DIAPH2: variants seen among roughly 807,000 people sequenced by gnomAD.
DIAPH2 encodes diaphanous related formin 2.
DIAPH2 carries 35 observed loss-of-function variants against 92.7 expected under a neutral mutation model. The observed-to-expected ratio is 0.38, with a 90% CI of 0.29 to 0.50. DIAPH2 has a LOEUF of 0.50. DIAPH2 is among the 20% of genes least tolerant of loss of function. The pLI is 0.94. For synonymous variants in DIAPH2, 301 were observed against 280.4 expected (o/e 1.07, Z -0.73); for missense variants, 701 against 819.5 (o/e 0.86, Z 1.77).
At chrX:96,784,538 G>A (rs2064441326) in intron 4 of DIAPH2, among the ~76,000 whole-genome samples, 1 of 111,719 alleles carries the variant, frequency 9.0e-6, no homozygotes, top group Non-Finnish European at 1.9e-5. Flanking sequence ...TTAAATGAGT[G>A]AAGTAAAACT....
intron 22 of DIAPH2, among the ~76,000 whole-genome samples, chrX:97,185,401 A>ATATATATGTATATATATATG (rs2067582040): frequency 1.6e-5 from 1 of 62,439 alleles, no homozygotes; most frequent in Non-Finnish European, 2.6e-5. Context: ...ATGTGTATAT[A>ATATATATGTATATATATATG]TATATATATG....
intron 5 of DIAPH2, among the ~76,000 whole-genome samples, chrX:96,909,587 T>G (rs2065456899): frequency 9.0e-6 from 1 of 110,873 alleles, no homozygotes; most frequent in African/African-American, 3.3e-5. Flanking sequence ...TTTATCCCCT[T>G]AGCAACGGGC....
At chrX:97,420,147 T>G (rs2069993397) in intron 25 of DIAPH2, among the ~76,000 whole-genome samples, 1 of 111,867 alleles carries the variant, frequency 8.9e-6, no homozygotes. Context: ...TGAATAAGCA[T>G]AAACATTTTT....
chrX:97,176,635 G>C (rs907715025), intron 22 of DIAPH2, among the ~76,000 whole-genome samples: 16 of 110,878 alleles, frequency 1.4e-4, no homozygotes, highest in African/African-American at 4.3e-4. Flanking sequence ...TCACGCCATT[G>C]TCCTGCCTCA....
chrX:97,102,206 A>T (rs1708811229), intron 20 of DIAPH2, among the ~76,000 whole-genome samples: 1 of 110,218 alleles, frequency 9.1e-6, no homozygotes, highest in Admixed American at 9.7e-5. Flanking sequence ...TTTCAATCAG[A>T]CTCTCACTGC....
At chrX:97,009,167 C>G (rs770342905) in intron 17 of DIAPH2, among the ~76,000 whole-genome samples, 11 of 110,626 alleles carry the variant, frequency 9.9e-5, no homozygotes, top group African/African-American at 3.6e-4. Flanking sequence ...CTTCCCTCCC[C>G]TTTTCACAAG....
intron 26 of DIAPH2, among the ~76,000 whole-genome samples, chrX:97,460,324 C>T (rs1166225572): frequency 9.0e-6 from 1 of 111,347 alleles, no homozygotes; most frequent in Non-Finnish European, 1.9e-5. Context: ...TGTACTAGCT[C>T]GTTATTATTA....
intron 22 of DIAPH2, among the ~76,000 whole-genome samples, chrX:97,200,543 G>C (rs1013149192): frequency 2.0e-5 from 2 of 102,485 alleles, no homozygotes; most frequent in African/African-American, 3.6e-5. Context: ...AGACTGACAG[G>C]TTTGGACTGG....
intron 23 of DIAPH2, among the ~76,000 whole-genome samples, chrX:97,263,208 A>G (rs1037975377): frequency 8.9e-6 from 1 of 111,991 alleles, no homozygotes; most frequent in Non-Finnish European, 1.9e-5. Context: ...TTCCAGATCA[A>G]TCAAAATGTC....
intron 4 of DIAPH2, among the ~76,000 whole-genome samples, chrX:96,836,441 A>G (rs1393525316): frequency 9.2e-6 from 1 of 108,717 alleles, no homozygotes; most frequent in African/African-American, 3.4e-5. Flanking sequence ...TTATATAGCT[A>G]GTTATACTCT....
intron 22 of DIAPH2, among the ~76,000 whole-genome samples, chrX:97,160,942 T>C (rs754697445): frequency 1.8e-5 from 2 of 111,383 alleles, no homozygotes; most frequent in Non-Finnish European, 3.8e-5. Flanking sequence ...TTGGAACATA[T>C]GGAATGATCA....
Position 97,600,071 on chromosome X carries a change from A to C in DIAPH2, c.*754A>C, listed in dbSNP as rs1356589509. ...AGAGGTATTTTCTAATTATGCACAG[A>C]TATCTACTTTATACAAATACTTTAT... On this transcript the variant is annotated 3_prime_UTR_variant, in exon 27 of 27. Coordinates refer to ENST00000324765, the MANE Select transcript of DIAPH2 (RefSeq NM_006729.5). 2.7e-5 allele frequency: 3 copies of C among 112,896 alleles called. No homozygotes were observed. The highest frequency in any genetic ancestry group is 5.6e-5 in the Non-Finnish European group (3 of 53,272). 9.3% of individuals were successfully genotyped at this position (112,896 alleles called of 1,213,427 possible). A position where few individuals can be genotyped will look rare whatever the true frequency, so the allele number is the denominator to read the frequency against.
intron 26 of DIAPH2, among the ~76,000 whole-genome samples, chrX:97,507,047 C>T (rs2070840180): frequency 9.9e-6 from 1 of 100,864 alleles, no homozygotes; most frequent in Non-Finnish European, 2.0e-5. Flanking sequence ...ATGTGGCCCA[C>T]AAAGGCTAAA....
At chrX:96,771,215 G>A (rs762482578) in intron 4 of DIAPH2, among the ~76,000 whole-genome samples, 144 of 111,695 alleles carry the variant, frequency 1.3e-3, no homozygotes, top group Non-Finnish European at 2.4e-3. Flanking sequence ...TTTGAAAATT[G>A]ATTATATTAA....
intron 5 of DIAPH2, among the ~76,000 whole-genome samples, chrX:96,897,311 T>G (rs1232934021): frequency 9.0e-6 from 1 of 111,254 alleles, no homozygotes; most frequent in Non-Finnish European, 1.9e-5. Flanking sequence ...ATATGTAGTC[T>G]TTTATCTCTC....
In DIAPH2 at chrX:96,916,499, A is replaced by G. The variant is rs1228565174; in HGVS notation, c.794A>G (p.Asp265Gly). 1 of 1,202,514 alleles carries G rather than the reference A, an allele frequency of 8.3e-7. No homozygotes were observed. The highest frequency in any genetic ancestry group is 1.1e-6 in the Non-Finnish European group (1 of 891,411). Residue 265 changes from aspartate (D) to glycine (G), a missense_variant, in exon 8 of 27, where the codon GAC (aspartate) becomes GGC (glycine). Physicochemically the swap from Asp to Gly is moderately conservative, Grantham distance 94. Coordinates refer to ENST00000324765, the MANE Select transcript of DIAPH2 (RefSeq NM_006729.5). ...CTTTTACTATTGGCAAGAGCAATTG[A>G]CCCCAAACAACCCAACATGATGACT... ...RSLLLLARAI[D>G]PKQPNMMTEI...
At chrX:96,979,760 A>T (rs1370397696) in intron 17 of DIAPH2, among the ~76,000 whole-genome samples, 1 of 112,527 alleles carries the variant, frequency 8.9e-6, no homozygotes. Context: ...GACAAGTACA[A>T]TAAGGTATGA....
intron 19 of DIAPH2, among the ~76,000 whole-genome samples, chrX:97,078,075 C>G (rs2066717060): frequency 9.0e-6 from 1 of 111,214 alleles, no homozygotes; most frequent in South Asian, 3.7e-4. Context: ...AGTGGTAAAA[C>G]AGAAATATGT....
chrX:97,158,476 AGT>A (rs1193001840), intron 22 of DIAPH2, among the ~76,000 whole-genome samples: 1 of 112,149 alleles, frequency 8.9e-6, no homozygotes, highest in Admixed American at 9.5e-5. Context: ...CGAAATGTGC[AGT>A]GTGTGTATGA....
Sources: allele counts gnomAD v4.1 joint callset (sites outside exome capture counted in the v4.1 genomes callset), GRCh38; gene constraint gnomAD v4.1.1; transcripts MANE v1.5; gene names NCBI Gene and HGNC (gene_info 2026-07-23, HGNC 2026-07-21).